HTR7: variants seen among roughly 807,000 people sequenced by gnomAD.
The protein encoded by HTR7 is 5-HT-7.
Under a neutral mutation model 34.0 loss-of-function variants are expected in HTR7, and 16 were observed. That is an observed-to-expected ratio of 0.47 (90% confidence interval 0.32 to 0.71). The LOEUF (loss-of-function observed/expected upper bound fraction) is 0.71. Among genes scored for constraint, HTR7 ranks in the 30% least tolerant of loss-of-function variants. The pLI is 0.04. For synonymous variants in HTR7, 265 were observed against 260.2 expected (o/e 1.02, Z -0.18); for missense variants, 504 against 625.5 (o/e 0.81, Z 2.07).
At chr10:90,766,921 G>A (rs1317812328) in intron 1 of HTR7, among the ~76,000 whole-genome samples, 1 of 152,224 alleles carries the variant, frequency 6.6e-6, no homozygotes. Flanking sequence ...CAGACAGACA[G>A]AGCTTCCTGT....
intron 1 of HTR7, among the ~76,000 whole-genome samples, chr10:90,796,394 A>G (rs1564685024): frequency 6.6e-6 from 1 of 152,258 alleles, no homozygotes; most frequent in Non-Finnish European, 1.5e-5. Context: ...AAAAGGTTGA[A>G]AAGAGTGAAA....
intron 1 of HTR7, among the ~76,000 whole-genome samples, chr10:90,837,201 C>T (rs1846266755): frequency 6.6e-6 from 1 of 152,186 alleles, no homozygotes; most frequent in African/African-American, 2.4e-5. Context: ...AGTGTTTCTA[C>T]TCTAGTAGAA....
At chr10:90,813,798 C>T (rs908387625) in intron 1 of HTR7, among the ~76,000 whole-genome samples, 1 of 152,172 alleles carries the variant, frequency 6.6e-6, no homozygotes, top group African/African-American at 2.4e-5. Context: ...AAGGAAAAGA[C>T]AGCATGGCGC....
rs536526176 is a variant in HTR7 at position 90,780,443 on chromosome 10, A to G, written c.540-30849T>C. Among the ~76,000 whole-genome samples the G allele has an allele frequency of 2.5e-3, 375 of 151,110 alleles. 2 individuals are homozygous for G. The highest frequency in any genetic ancestry group is 8.6e-3 in the African/African-American group (353 of 41,124). ...TCCCAGCTACTCGGGAGGCTGAGGT[A>G]GGAGAATTGCTTGAACCCAGGAGAC... On this transcript the variant is annotated intron_variant, in intron 1 of 3. Transcript: ENST00000336152.
chr10:90,757,176 G>T (rs903401350), intron 1 of HTR7, among the ~76,000 whole-genome samples: 3 of 152,166 alleles, frequency 2.0e-5, no homozygotes, highest in Non-Finnish European at 2.9e-5. Context: ...TTTTATGATG[G>T]TTCTGTGTGG....
intron 1 of HTR7, among the ~76,000 whole-genome samples, chr10:90,754,409 A>C (rs968001281): frequency 6.6e-6 from 1 of 152,154 alleles, no homozygotes; most frequent in Non-Finnish European, 1.5e-5. Flanking sequence ...AAAGAAAAAA[A>C]AAACTAGACT....
intron 1 of HTR7, among the ~76,000 whole-genome samples, chr10:90,797,439 T>C (rs1413267309): frequency 2.0e-5 from 3 of 152,210 alleles, no homozygotes; most frequent in African/African-American, 7.2e-5. Flanking sequence ...TAGAATTGTA[T>C]CAAAAATAGC....
At chr10:90,748,753 G>T in intron 2 of HTR7, 86 bp downstream of exon 2, 1 of 1,398,384 alleles carries the variant, frequency 7.2e-7, no homozygotes, top group Non-Finnish European at 9.7e-7. Context: ...CTAGCTACTC[G>T]TTCAGGAAGC....
At chr10:90,827,818 C>T (rs927504095) in intron 1 of HTR7, among the ~76,000 whole-genome samples, 3 of 152,140 alleles carry the variant, frequency 2.0e-5, no homozygotes, top group African/African-American at 7.2e-5. Flanking sequence ...TTGGACAGAT[C>T]ACCCAGAAAG....
At chr10:90,836,400 G>C (rs1846252700) in intron 1 of HTR7, among the ~76,000 whole-genome samples, 2 of 152,150 alleles carry the variant, frequency 1.3e-5, no homozygotes, top group African/African-American at 4.8e-5. Flanking sequence ...CCCTGGTACA[G>C]GTCAGTATCG....
At chr10:90,849,289 T>A (rs1846458957) in intron 1 of HTR7, among the ~76,000 whole-genome samples, 1 of 152,238 alleles carries the variant, frequency 6.6e-6, no homozygotes. Flanking sequence ...TAGTAATGTA[T>A]GTAAATTCCC....
At chr10:90,818,482 G>T (rs112262647) in intron 1 of HTR7, among the ~76,000 whole-genome samples, 2 of 96,042 alleles carry the variant, frequency 2.1e-5, no homozygotes, top group Non-Finnish European at 3.8e-5. Context: ...GGAGGTGGAG[G>T]TTGCAGTGAG....
At position 90,803,258 on chromosome 10, in the gene HTR7, C is replaced by T. The variant is rs147330489; in HGVS notation, c.540-53664G>A. Among the ~76,000 whole-genome samples the T allele has an allele frequency of 2.0e-3, 308 of 152,124 alleles. 2 individuals carry two copies. Among genetic ancestry groups the T allele is most frequent in the African/African-American group, 6.9e-3 (287 of 41,474 alleles). ...GACTTGAGAGATCAAGTGTGCCATTCGACCTTTGACTTGGGGTTTGATATG... is the reference window on the plus strand; with the variant it reads ...GACTTGAGAGATCAAGTGTGCCATTTGACCTTTGACTTGGGGTTTGATATG... On this transcript the variant is annotated intron_variant, in intron 1 of 3. Transcript: ENST00000336152.
intron 1 of HTR7, among the ~76,000 whole-genome samples, chr10:90,845,291 A>G (rs1044227190): frequency 2.0e-5 from 3 of 152,192 alleles, no homozygotes; most frequent in African/African-American, 7.2e-5. Flanking sequence ...TGGCCAGAAT[A>G]AAGCTGTAAG....
In HTR7 at chr10:90,857,678, G is replaced by A; in HGVS notation, c.-7C>T. On this transcript the variant is annotated 5_prime_UTR_variant, in exon 1 of 4. Coordinates refer to ENST00000336152, the MANE Select transcript of HTR7 (RefSeq NM_019859.4). This position sits in a 1 kb window ranked among gnomAD's most constrained non-coding sequence, Gnocchi z 6.5. ...TGCTGTTAACGTCCATCATCGCGCC[G>A]CCGTGTGCCGCTGCCCATGGAGCCG... 2 of 1,533,662 alleles carry A rather than the reference G, an allele frequency of 1.3e-6. No homozygotes were observed. Among genetic ancestry groups the A allele is most frequent in the East Asian group, 2.5e-5 (1 of 39,858 alleles).
At chr10:90,744,308 C>G (rs528098314) in intron 2 of HTR7, among the ~76,000 whole-genome samples, 2 of 150,904 alleles carry the variant, frequency 1.3e-5, no homozygotes, top group East Asian at 3.9e-4. Context: ...CTGTCCCTTA[C>G]TCATCTTTCT....
At chr10:90,854,243 T>A (rs1846545728) in intron 1 of HTR7, among the ~76,000 whole-genome samples, 1 of 151,986 alleles carries the variant, frequency 6.6e-6, no homozygotes, top group South Asian at 2.1e-4. Context: ...ATCCTAGGTA[T>A]TTGCAGGGGC....
At chr10:90,744,886 G>A (rs756154151) in intron 2 of HTR7, among the ~76,000 whole-genome samples, 11 of 152,206 alleles carry the variant, frequency 7.2e-5, no homozygotes, top group Non-Finnish European at 1.6e-4. Flanking sequence ...GCTTCAGCCA[G>A]ATGGTCCTTT....
intron 1 of HTR7, among the ~76,000 whole-genome samples, chr10:90,787,579 G>A (rs1216963803): frequency 6.6e-6 from 1 of 152,074 alleles, no homozygotes; most frequent in African/African-American, 2.4e-5. Flanking sequence ...GGGGATTTAC[G>A]TCAGCTATAG....
Sources: allele counts gnomAD v4.1 joint callset (sites outside exome capture counted in the v4.1 genomes callset), GRCh38; gene constraint gnomAD v4.1.1; non-coding constraint Gnocchi (gnomAD v3.1); transcripts MANE v1.5; gene names NCBI Gene and HGNC (gene_info 2026-07-23, HGNC 2026-07-21).